The following PCDH1 variants were observed in gnomAD, a reference collection of about 807,000 sequenced individuals.
The protein encoded by PCDH1 is protocadherin 1.
A neutral mutation model predicts 74.6 loss-of-function variants in PCDH1; 23 were observed. The observed-to-expected ratio is 0.31, with a 90% CI of 0.22 to 0.44. PCDH1 has a LOEUF of 0.44. Ranked by LOEUF, PCDH1 falls within the 20% of genes least tolerant of loss-of-function variation. The pLI, the probability that PCDH1 is intolerant of heterozygous loss-of-function variation, is 1.00. For missense variants in PCDH1, 1,214 were observed against 1,641.4 expected (o/e 0.74, Z 4.50); for synonymous variants, 647 against 686.1 (o/e 0.94, Z 0.89).
Position 141,853,673 on chromosome 5 carries a change from C to T in PCDH1, c.*369G>A, listed in dbSNP as rs930124813. On this transcript the variant is annotated 3_prime_UTR_variant, in exon 5 of 5. Coordinates refer to ENST00000287008, the MANE Select transcript of PCDH1 (RefSeq NM_032420.5). Reference sequence around the variant, plus strand: ...GCATGCTATCCCCGCCCTGGTCGGCCATGAGGGAAACAATGAGTTAGAAGT... The same window carrying T: ...GCATGCTATCCCCGCCCTGGTCGGCTATGAGGGAAACAATGAGTTAGAAGT... The T allele has an allele frequency of 1.6e-5, 3 of 187,224 alleles. No individual in the cohort carries two copies. The highest frequency in any genetic ancestry group is 1.9e-4 in the South Asian group (1 of 5,208). The allele number at this position is 187,224 out of a possible 1,614,324, so 11.6% of individuals were successfully genotyped here.
At chr5:141,862,636 A>G in intron 3 of PCDH1, 1 of 985,756 alleles carries the variant, frequency 1.0e-6, no homozygotes, top group Middle Eastern at 5.2e-4. Flanking sequence ...AGTTCCAGAA[A>G]ATAAGAAACC....
At chr5:141,867,272 C>T (rs922884918) in intron 2 of PCDH1, among the ~76,000 whole-genome samples, 2 of 152,142 alleles carry the variant, frequency 1.3e-5, no homozygotes, top group Non-Finnish European at 1.5e-5. Flanking sequence ...CCCTGCTGAC[C>T]TCTCTGCTTA....
intron 3 of PCDH1, among the ~76,000 whole-genome samples, chr5:141,862,303 G>C (rs1192861901): frequency 6.6e-6 from 1 of 152,182 alleles, no homozygotes; most frequent in African/African-American, 2.4e-5. Flanking sequence ...TGTTTGAGCA[G>C]ATTGGAAAAA....
chr5:141,854,015 A>AG lies in PCDH1; in HGVS notation c.*26dup. 6.8e-7 allele frequency: 1 copy of AG among 1,465,672 alleles called. No individual in the cohort carries two copies. The highest frequency in any genetic ancestry group is 9.1e-7 in the Non-Finnish European group (1 of 1,104,872). 90.8% of individuals were successfully genotyped at this position (1,465,672 alleles called of 1,614,324 possible). A position where few individuals can be genotyped will look rare whatever the true frequency, so the allele number is the denominator to read the frequency against. ...TTGGGAGCTGGCCGGCGGCTGGGGG[A>AG]GGGGGGCCGGCCGGCCAGTAGGGGG... On this transcript the variant is annotated 3_prime_UTR_variant, in exon 5 of 5. Transcript: ENST00000287008.
rs1211947970 is a variant in PCDH1 at position 141,878,198 on chromosome 5, G to A, written c.40+25C>T. 1.4e-6 allele frequency: 2 copies of A among 1,430,324 alleles called. No individual in the cohort carries two copies. The highest frequency in any genetic ancestry group is 1.8e-6 in the Non-Finnish European group (2 of 1,093,884). 88.6% of individuals were successfully genotyped at this position (1,430,324 alleles called of 1,614,324 possible). A position where few individuals can be genotyped will look rare whatever the true frequency, so the allele number is the denominator to read the frequency against. ...CCGCTTCGGGCCCCAAGCCGCTGCTGCCTCCACCGCCGCCGGATCCTTACC... is the reference window on the plus strand; with the variant it reads ...CCGCTTCGGGCCCCAAGCCGCTGCTACCTCCACCGCCGCCGGATCCTTACC... On this transcript the variant is annotated intron_variant, in intron 1 of 4. Transcript: ENST00000287008. This position sits in a 1 kb window ranked among gnomAD's most constrained non-coding sequence, Gnocchi z 5.5.
chr5:141,876,748 G>A (rs1289406085), intron 1 of PCDH1, among the ~76,000 whole-genome samples: 1 of 152,112 alleles, frequency 6.6e-6, no homozygotes, highest in Non-Finnish European at 1.5e-5. Flanking sequence ...CGGAGGGGGC[G>A]CTCAGGTGTG....
In PCDH1 at chr5:141,863,985, C is replaced by T. The variant is rs1938556401; in HGVS notation, c.2346G>A (p.Arg782=). Reference sequence around the variant, plus strand: ...CCAGGCGGTGTAGCCCATGGTGGCGCCGCTCAATCTCCTTCTCCAGGGTGA... The same window carrying T: ...CCAGGCGGTGTAGCCCATGGTGGCGTCGCTCAATCTCCTTCTCCAGGGTGA... The part of the protein sequence containing the change: ...GAITLEKEIE[R]RHHGLHRLVV... The change falls in exon 3 of 5, where the codon CGG becomes CGA. Residue 782 remains arginine, a synonymous_variant. Coordinates refer to ENST00000287008, the MANE Select transcript of PCDH1 (RefSeq NM_032420.5). The surrounding 1 kb of genome is among the most constrained non-coding windows in gnomAD (Gnocchi z 7.5). 1 of 1,613,968 alleles carries T rather than the reference C, an allele frequency of 6.2e-7. No individual in the cohort carries two copies. The highest frequency in any genetic ancestry group is 8.5e-7 in the Non-Finnish European group (1 of 1,179,960).
At chr5:141,867,649 A>G (rs1354045684) in intron 2 of PCDH1, 2 of 440,372 alleles carry the variant, frequency 4.5e-6, no homozygotes, top group Non-Finnish European at 9.0e-6. Context: ...ACTCCCACCC[A>G]TCTCCCACTT....
intron 2 of PCDH1, chr5:141,867,588 C>G (rs539828211): frequency 2.2e-6 from 1 of 454,384 alleles, no homozygotes; most frequent in African/African-American, 2.0e-5. Context: ...TTCTCAGTCT[C>G]TTTTCCAGGT....
Position 141,869,919 on chromosome 5 carries a change from G to A in PCDH1, c.41-488C>T, listed in dbSNP as rs1411510520. ...CTGGAGCACCCCTCCCCACATGCAT[G>A]GTAGGAAAGAGACACAAGTACGTCC... On this transcript the variant is annotated intron_variant, in intron 1 of 4. Transcript: ENST00000287008. The surrounding 1 kb of genome is among the most constrained non-coding windows in gnomAD (Gnocchi z 4.9). Among the ~76,000 whole-genome samples, 2 of 152,140 alleles carry A rather than the reference G, an allele frequency of 1.3e-5. No individual in the cohort carries two copies. The highest frequency in any genetic ancestry group is 2.4e-5 in the African/African-American group (1 of 41,414).
chr5:141,854,330 G>C lies in PCDH1; in HGVS notation c.3426C>G (p.Ser1142Arg), dbSNP rs1484559448. ...TGAGGGCGCTGCTCTTGGTCCGGCG[G>C]CTGGGAGATGACTGGCCAGGCATCC... is the stretch of plus-strand genomic sequence containing the variant. ...TCWMPGQSSPSRRTKSSALKL... is the reference protein window; with the variant it reads ...TCWMPGQSSPRRRTKSSALKL... Residue 1142 changes from serine (S) to arginine (R), a missense_variant, in exon 5 of 5, where the codon AGC (serine) becomes AGG (arginine). Physicochemically the swap from Ser to Arg is moderately radical, Grantham distance 110. Coordinates refer to ENST00000287008, the MANE Select transcript of PCDH1 (RefSeq NM_032420.5). The C allele has an allele frequency of 6.2e-7, 1 of 1,613,894 alleles. No homozygotes were observed. Among genetic ancestry groups the C allele is most frequent in the Non-Finnish European group, 8.5e-7 (1 of 1,180,002 alleles).
chr5:141,870,922 C>G (rs577364986), intron 1 of PCDH1, among the ~76,000 whole-genome samples: 1 of 152,182 alleles, frequency 6.6e-6, no homozygotes. Context: ...AACACCCACC[C>G]CACATCAATC....
chr5:141,860,434 G>A (rs1477679853), intron 3 of PCDH1, among the ~76,000 whole-genome samples: 1 of 151,334 alleles, frequency 6.6e-6, no homozygotes. Context: ...AGGTGGCAGA[G>A]GTTGCAATGA....
intron 2 of PCDH1, among the ~76,000 whole-genome samples, chr5:141,866,465 G>T (rs1561484947): frequency 6.6e-6 from 1 of 152,224 alleles, no homozygotes; most frequent in Non-Finnish European, 1.5e-5. Context: ...ATGGCCATGG[G>T]GTACTACTGG....
At chr5:141,876,242 G>C (rs1198169011) in intron 1 of PCDH1, among the ~76,000 whole-genome samples, 1 of 152,214 alleles carries the variant, frequency 6.6e-6, no homozygotes, top group East Asian at 1.9e-4. Flanking sequence ...GCTAGGGCGC[G>C]GCGTGGTGAG....
In PCDH1 at chr5:141,863,736, G is replaced by A; in HGVS notation, c.2595C>T (p.Ala865=). The change falls in exon 3 of 5, where the codon GCC becomes GCT. Residue 865 remains alanine (A), a synonymous_variant. Coordinates refer to ENST00000287008, the MANE Select transcript of PCDH1 (RefSeq NM_032420.5). The surrounding 1 kb of genome is among the most constrained non-coding windows in gnomAD (Gnocchi z 7.5). ...FGVVAGVVAV[A]LLIALAVLVR... is the part of the protein sequence containing the mutation. ...CAAGAACCGCCAGGGCGATGAGCAA[G>A]GCCACGGCCACCACACCAGCCACCA... 1 of 1,614,208 alleles carries A rather than the reference G, an allele frequency of 6.2e-7. No homozygotes were observed. The highest frequency in any genetic ancestry group is 8.5e-7 in the Non-Finnish European group (1 of 1,180,022).
At chr5:141,862,432 G>A (rs1473444907) in intron 3 of PCDH1, among the ~76,000 whole-genome samples, 1 of 152,138 alleles carries the variant, frequency 6.6e-6, no homozygotes, top group African/African-American at 2.4e-5. Context: ...ACCTCCATTT[G>A]AAGGCTGGTC....
chr5:141,868,521 T>C lies in PCDH1; in HGVS notation c.903+48A>G, dbSNP rs1253542061. ...TCTCACCTGGTTGGGTGGGCTCCCA[T>C]TTCTAGTGGTGGGTCACCCTGACAG... On this transcript the variant is annotated intron_variant, in intron 2 of 4. Transcript: ENST00000287008. This position sits in a 1 kb window ranked among gnomAD's most constrained non-coding sequence, Gnocchi z 4.8. The C allele has an allele frequency of 2.6e-6, 4 of 1,512,738 alleles. No homozygotes were observed. Among genetic ancestry groups the C allele is most frequent in the Non-Finnish European group, 3.5e-6 (4 of 1,132,474 alleles). The allele number at this position is 1,512,738 out of a possible 1,614,324, so 93.7% of individuals were successfully genotyped here.
In PCDH1 at chr5:141,863,397, G is replaced by T. The variant is rs1298528575; in HGVS notation, c.2934C>A (p.Ile978=). ...CTGAGGGTGACTGGGGCTGCAGCTG[G>T]ATGGAAGGCAGTGGGGAGTTAGAGC... ...HYRSNSPLPS[I]QLQPQSPSAS... The change falls in exon 3 of 5, where the codon ATC becomes ATA. Residue 978 remains isoleucine, a synonymous_variant. Coordinates refer to ENST00000287008, the MANE Select transcript of PCDH1 (RefSeq NM_032420.5). This position sits in a 1 kb window ranked among gnomAD's most constrained non-coding sequence, Gnocchi z 7.5. 2.6e-6 allele frequency: 4 copies of T among 1,553,032 alleles called. No homozygotes were observed. Among genetic ancestry groups the T allele is most frequent in the African/African-American group, 1.4e-5 (1 of 73,308 alleles).
Sources: gnomAD v4.1 joint callset for allele counts (sites outside exome capture counted in the v4.1 genomes callset) on GRCh38, gnomAD v4.1.1 for gene constraint, Gnocchi (gnomAD v3.1) non-coding constraint, MANE v1.5 for transcripts, NCBI Gene and HGNC (gene_info 2026-07-23, HGNC 2026-07-21) for gene names.